USP32: variants seen among roughly 807,000 people sequenced by gnomAD.
USP32 encodes ubiquitin carboxyl-terminal hydrolase 32.
In USP32, 59 loss-of-function variants were observed where a neutral mutation model predicts 204.8. That is an observed-to-expected ratio of 0.29 (90% CI 0.23 to 0.36). USP32 has a LOEUF of 0.36. Among genes scored for constraint, USP32 ranks in the 10% least tolerant of loss-of-function variants. The pLI is 1.00. For synonymous variants in USP32, 517 were observed against 678.4 expected, an observed-to-expected ratio of 0.76 and a Z score of 3.70; for missense variants, 1,160 against 1,946.4, an observed-to-expected ratio of 0.60 and a Z score of 7.60.
chr17:60,417,463 T>G (rs79370602), intron 1 of USP32, among the ~76,000 whole-genome samples: 20,336 of 151,378 alleles, frequency 0.13, 2,890 homozygotes, highest in African/African-American at 0.35. Context: ...ATTTTTTTTT[T>G]TTTTTTTGTG....
At chr17:60,339,473 C>T (rs1027051261) in intron 2 of USP32, among the ~76,000 whole-genome samples, 1 of 150,548 alleles carries the variant, frequency 6.6e-6, no homozygotes, top group African/African-American at 2.5e-5. Flanking sequence ...ATCCCAGCTA[C>T]TTGGGAGGCT....
chr17:60,329,944 A>C (rs1451328308), intron 2 of USP32, among the ~76,000 whole-genome samples: 1 of 152,252 alleles, frequency 6.6e-6, no homozygotes, highest in Non-Finnish European at 1.5e-5. Flanking sequence ...ATTACTAGAG[A>C]TCAATGAGGT....
chr17:60,313,732 G>T (rs2087908299), intron 2 of USP32, among the ~76,000 whole-genome samples: 1 of 152,076 alleles, frequency 6.6e-6, no homozygotes, highest in African/African-American at 2.4e-5. Flanking sequence ...TTATACTAAA[G>T]TCTATTCAAG....
intron 1 of USP32, among the ~76,000 whole-genome samples, chr17:60,360,368 T>C (rs777589123): frequency 1.8e-4 from 28 of 152,028 alleles, no homozygotes; most frequent in Non-Finnish European, 3.1e-4. Flanking sequence ...TTTGTATTTG[T>C]ATTTTGTATT....
At chr17:60,363,963 C>T (rs975345965) in intron 1 of USP32, among the ~76,000 whole-genome samples, 3 of 152,022 alleles carry the variant, frequency 2.0e-5, no homozygotes, top group African/African-American at 7.2e-5. Context: ...AGTGATGATT[C>T]TCGTGCACTA....
Position 60,271,394 on chromosome 17 carries a change from A to G in USP32, c.659T>C (p.Phe220Ser). The part of the protein sequence containing the change: ...SRTGRFDLET[F>S]GPLVSPPIRP... ...AATAGGTGGTGAAACCAATGGGCCAAATGTCTCTAAATCAAATCGTCCAGT... is the reference window on the plus strand; with the variant it reads ...AATAGGTGGTGAAACCAATGGGCCAGATGTCTCTAAATCAAATCGTCCAGT... Residue 220 changes from phenylalanine to serine, a missense_variant, in exon 6 of 34, where the codon TTT (phenylalanine) becomes TCT (serine). Physicochemically the swap from Phe to Ser is radical, Grantham distance 155. Transcript: ENST00000300896. The G allele has an allele frequency of 6.2e-7, 1 of 1,614,154 alleles. No homozygotes were observed. The highest frequency in any genetic ancestry group is 1.3e-5 in the African/African-American group (1 of 75,046).
intron 26 of USP32, among the ~76,000 whole-genome samples, chr17:60,203,396 C>CAAAAAAAAAAA (rs554691150): frequency 4.1e-5 from 1 of 24,378 alleles, no homozygotes; most frequent in African/African-American, 1.4e-4. Flanking sequence ...GCGAGACTGT[C>CAAAAAAAAAAA]AAAAAAAAAA....
chr17:60,224,634 T>A (rs2085336969), intron 13 of USP32, among the ~76,000 whole-genome samples: 1 of 152,058 alleles, frequency 6.6e-6, no homozygotes. Flanking sequence ...AATTAAAAAA[T>A]TAGCTGTGTG....
At chr17:60,327,271 T>C (rs1289352631) in intron 2 of USP32, among the ~76,000 whole-genome samples, 1 of 152,204 alleles carries the variant, frequency 6.6e-6, no homozygotes, top group Non-Finnish European at 1.5e-5. Flanking sequence ...GAGTGGCCGC[T>C]GACGTCACGC....
intron 2 of USP32, among the ~76,000 whole-genome samples, chr17:60,317,922 T>C (rs896483485): frequency 1.3e-5 from 2 of 151,956 alleles, no homozygotes; most frequent in Admixed American, 1.3e-4. Flanking sequence ...GAGGCAGAGA[T>C]TGCAGTAAGC....
chr17:60,282,581 T>C (rs1031606574), intron 5 of USP32, among the ~76,000 whole-genome samples: 3 of 152,190 alleles, frequency 2.0e-5, no homozygotes, highest in Non-Finnish European at 4.4e-5. Context: ...CTTGATCTCT[T>C]GACCTCGTGA....
chr17:60,228,633 C>T (rs186387969), intron 12 of USP32, among the ~76,000 whole-genome samples: 57 of 149,998 alleles, frequency 3.8e-4, no homozygotes, highest in African/African-American at 1.3e-3. Flanking sequence ...GCCCGAGCAA[C>T]GTGGATAGAT....
At chr17:60,201,371 A>T (rs370986882) in intron 26 of USP32, among the ~76,000 whole-genome samples, 2 of 152,184 alleles carry the variant, frequency 1.3e-5, no homozygotes, top group African/African-American at 4.8e-5. Flanking sequence ...ATTCTTGTAC[A>T]TATCTCCTGG....
At chr17:60,283,987 C>T (rs377081743) in intron 5 of USP32, among the ~76,000 whole-genome samples, 10 of 151,836 alleles carry the variant, frequency 6.6e-5, no homozygotes, top group African/African-American at 1.7e-4. Context: ...CAGTAAAACT[C>T]GTAAGAAATA....
chr17:60,311,587 C>T (rs2087855367), intron 2 of USP32, among the ~76,000 whole-genome samples: 1 of 152,084 alleles, frequency 6.6e-6, no homozygotes. Context: ...CTTTGGGAGG[C>T]CGAGGATGGT....
At chr17:60,302,113 G>GTTTATTTATTTA (rs141481291) in intron 2 of USP32, among the ~76,000 whole-genome samples, 2 of 141,526 alleles carry the variant, frequency 1.4e-5, no homozygotes, top group East Asian at 2.0e-4. Flanking sequence ...TATTTTGTTT[G>GTTTATTTATTTA]TTTATTTATT....
chr17:60,391,831 C>G (rs768342871), intron 1 of USP32, 51 bp downstream of exon 1: 2 of 1,584,096 alleles, frequency 1.3e-6, no homozygotes, highest in Non-Finnish European at 1.7e-6. Context: ...ACCCTCCAGG[C>G]TGCCCGTCGC....
intron 28 of USP32, among the ~76,000 whole-genome samples, chr17:60,191,164 G>A (rs1486583477): frequency 2.0e-5 from 3 of 152,086 alleles, no homozygotes; most frequent in Non-Finnish European, 4.4e-5. Flanking sequence ...CACTTTGGGA[G>A]GCCGAGGTGG....
At chr17:60,262,005 C>T (rs922644553) in intron 9 of USP32, among the ~76,000 whole-genome samples, 4 of 152,162 alleles carry the variant, frequency 2.6e-5, no homozygotes, top group African/African-American at 9.7e-5. Flanking sequence ...ATAATTAACA[C>T]ACTGTAAAAA....
Sources: gnomAD v4.1 joint callset for allele counts (sites outside exome capture counted in the v4.1 genomes callset) on GRCh38, gnomAD v4.1.1 for gene constraint, MANE v1.5 for transcripts, NCBI Gene and HGNC (gene_info 2026-07-23, HGNC 2026-07-21) for gene names.